PTPRK: variants seen among roughly 807,000 people sequenced by gnomAD.
The protein encoded by PTPRK is protein tyrosine phosphatase receptor type K.
A neutral mutation model predicts 178.0 loss-of-function variants in PTPRK; 75 were observed. The ratio of observed to expected loss-of-function variants is 0.42; its 90% confidence interval spans 0.35 to 0.51. The LOEUF (loss-of-function observed/expected upper bound fraction) is 0.51. Among genes scored for constraint, PTPRK ranks in the 20% least tolerant of loss-of-function variants. PTPRK has a pLI of 0.02. For missense variants in PTPRK, 1,441 were observed against 1,797.8 expected (o/e 0.80, Z 3.59); for synonymous variants, 637 against 620.6 (o/e 1.03, Z -0.39).
chr6:128,466,641 G>C (rs930298054), intron 1 of PTPRK, among the ~76,000 whole-genome samples: 1 of 151,992 alleles, frequency 6.6e-6, no homozygotes, highest in African/African-American at 2.4e-5. Context: ...TTTTAATTTG[G>C]GATGAGAAAA....
rs755983946 is a variant in PTPRK, at chr6:128,089,769, A to G, written c.1386T>C (p.Asn462=). The G allele has an allele frequency of 3.1e-6, 5 of 1,613,298 alleles. No individual in the cohort carries two copies. The highest frequency in any genetic ancestry group is 4.2e-6 in the Non-Finnish European group (5 of 1,179,426). ...HVVNHLPPYT[N]VSLKMILTNP... ...TGGTTAGGATCATCTTGAGGCTGAC[A>G]TTTGTATAAGGTGGCAGATGGTTCA... is the stretch of plus-strand genomic sequence containing the variant. The change falls in exon 8 of 30, where the codon AAT becomes AAC. Residue 462 remains asparagine (N), a synonymous_variant. Coordinates refer to ENST00000368226, the MANE Select transcript of PTPRK (RefSeq NM_002844.4).
intron 13 of PTPRK, among the ~76,000 whole-genome samples, chr6:128,055,731 T>C (rs1779776175): frequency 6.6e-6 from 1 of 151,950 alleles, no homozygotes; most frequent in African/African-American, 2.4e-5. Context: ...TCCCAAGTAA[T>C]TGTGACTATA....
chr6:128,468,361 C>A (rs1175535120), intron 1 of PTPRK, among the ~76,000 whole-genome samples: 13 of 152,088 alleles, frequency 8.5e-5, no homozygotes, highest in Non-Finnish European at 7.4e-5. Flanking sequence ...TCACACAAAT[C>A]CTGAATTTCA....
At chr6:127,990,144 A>G (rs914997636) in intron 21 of PTPRK, among the ~76,000 whole-genome samples, 1 of 152,126 alleles carries the variant, frequency 6.6e-6, no homozygotes, top group Non-Finnish European at 1.5e-5. Context: ...TATGAACTAA[A>G]ATCATCATGG....
chr6:128,084,897 G>A (rs1056628615), intron 8 of PTPRK: 1 of 151,966 alleles, frequency 6.6e-6, no homozygotes, highest in African/African-American at 2.4e-5. Flanking sequence ...TTAATCTAAC[G>A]TTTCAGTGAA....
chr6:128,435,026 AAGAC>A (rs1173208546), intron 1 of PTPRK, among the ~76,000 whole-genome samples: 7 of 113,742 alleles, frequency 6.2e-5, no homozygotes, highest in African/African-American at 3.1e-4. Flanking sequence ...AGAAGGAAGT[AAGAC>A]AGGAAGGCAG....
chr6:128,071,695 C>T (rs1782854664), intron 11 of PTPRK, among the ~76,000 whole-genome samples: 1 of 151,840 alleles, frequency 6.6e-6, no homozygotes, highest in Non-Finnish European at 1.5e-5. Flanking sequence ...ATTGAAGAGG[C>T]ATTTTTATAA....
At chr6:128,440,858 A>G (rs1846194722) in intron 1 of PTPRK, among the ~76,000 whole-genome samples, 1 of 151,968 alleles carries the variant, frequency 6.6e-6, no homozygotes. Context: ...GTGGCTTTTC[A>G]ACTTTTGCTA....
chr6:127,988,176 T>C (rs1272897402), intron 21 of PTPRK, among the ~76,000 whole-genome samples: 1 of 85,814 alleles, frequency 1.2e-5, no homozygotes, highest in East Asian at 4.2e-4. Context: ...AATATGTGTG[T>C]GCATGGGGAA....
rs201396562 is a variant in PTPRK at position 127,985,832 on chromosome 6, G to A, written c.3140C>T (p.Thr1047Met). The change falls in exon 22 of 30, where the codon ACG (threonine) becomes ATG (methionine). Residue 1047 changes from threonine to methionine, a missense_variant. By Grantham distance (81) the Thr-to-Met change is moderately conservative (BLOSUM62 -1). Transcript: ENST00000368226. The part of the protein sequence containing the change: ...EIREVKQFHF[T>M]GWPDHGVPYH... ...GGGCACTCCATGGTCAGGCCAGCCC[G>A]TGAAATGGAACTGTTTAACTTCACG... 1.6e-5 allele frequency: 26 copies of A among 1,613,366 alleles called. No homozygotes were observed. The highest frequency in any genetic ancestry group is 9.3e-5 in the African/African-American group (7 of 74,906).
intron 2 of PTPRK, among the ~76,000 whole-genome samples, chr6:128,386,406 G>A (rs1422745914): frequency 3.3e-5 from 5 of 152,144 alleles, no homozygotes; most frequent in Non-Finnish European, 7.4e-5. Context: ...CCTAGTCTGA[G>A]TTTATAGGGT....
intron 6 of PTPRK, among the ~76,000 whole-genome samples, chr6:128,215,807 T>C (rs372358983): frequency 1.3e-5 from 2 of 152,122 alleles, no homozygotes; most frequent in East Asian, 3.9e-4. Flanking sequence ...ACTATTCATA[T>C]CACTGCCCCC....
intron 13 of PTPRK, among the ~76,000 whole-genome samples, chr6:128,041,157 A>G (rs1361235683): frequency 6.6e-6 from 1 of 152,054 alleles, no homozygotes; most frequent in African/African-American, 2.4e-5. Context: ...ATTTGAGAAA[A>G]CCGATCACAC....
intron 1 of PTPRK, among the ~76,000 whole-genome samples, chr6:128,514,532 T>C (rs995165274): frequency 4.3e-4 from 65 of 152,240 alleles, no homozygotes; most frequent in African/African-American, 1.5e-3. Context: ...ATTCCTAGAA[T>C]GACACCTGTT....
chr6:128,214,129 A>C (rs1456212615), intron 6 of PTPRK, among the ~76,000 whole-genome samples: 3 of 152,170 alleles, frequency 2.0e-5, no homozygotes, highest in Non-Finnish European at 4.4e-5. Context: ...AAAGATGAAC[A>C]AGACAGGCTC....
At chr6:128,240,348 A>G (rs969071302) in intron 4 of PTPRK, among the ~76,000 whole-genome samples, 198 bp from the exon 5 acceptor site, 3 of 152,110 alleles carry the variant, frequency 2.0e-5, no homozygotes, top group South Asian at 2.1e-4. Context: ...CTTTTTCTCA[A>G]TAGCTCTATT....
intron 5 of PTPRK, 77 bp from the exon 6 acceptor site, chr6:128,219,173 T>A: frequency 7.6e-7 from 1 of 1,316,166 alleles, no homozygotes; most frequent in East Asian, 2.4e-5. Flanking sequence ...GCAAGCAATA[T>A]CTGTGATAAA....
chr6:128,183,074 G>A (rs1156980940), intron 7 of PTPRK, among the ~76,000 whole-genome samples: 1 of 152,110 alleles, frequency 6.6e-6, no homozygotes, highest in East Asian at 1.9e-4. Context: ...TAGAAAACAT[G>A]TATGCAGTAT....
intron 13 of PTPRK, among the ~76,000 whole-genome samples, chr6:128,011,898 A>G (rs1398719025): frequency 6.6e-6 from 1 of 151,230 alleles, no homozygotes; most frequent in African/African-American, 2.4e-5. Flanking sequence ...AGAGATAATA[A>G]AGTCATAATC....
Sources: gnomAD v4.1 joint callset for allele counts (sites outside exome capture counted in the v4.1 genomes callset) on GRCh38, gnomAD v4.1.1 for gene constraint, MANE v1.5 for transcripts, NCBI Gene and HGNC (gene_info 2026-07-23, HGNC 2026-07-21) for gene names.